Variants in ZC3H4 observed in about 807,000 individuals in gnomAD.
The protein encoded by ZC3H4 is zinc finger CCCH domain-containing protein 4.
ZC3H4 carries 13 observed loss-of-function variants against 108.3 expected under a neutral mutation model. The ratio of observed to expected loss-of-function variants is 0.12; its 90% CI spans 0.08 to 0.19. The LOEUF (loss-of-function observed/expected upper bound fraction) is 0.19. Among genes scored for constraint, ZC3H4 ranks in the 10% least tolerant of loss-of-function variants. ZC3H4 has a pLI of 1.00. For synonymous variants in ZC3H4, 917 were observed against 749.6 expected (o/e 1.22, Z -3.65); for missense variants, 1,734 against 1,838.8 (o/e 0.94, Z 1.04).
At chr19:47,112,192 G>A (rs1481253036) in intron 2 of ZC3H4, 3 of 1,211,542 alleles carry the variant, frequency 2.5e-6, no homozygotes, top group South Asian at 4.2e-5. Context: ...CGAGAGCGAG[G>A]GAGAGCGGGC....
At chr19:47,100,838 C>G (rs1287380648) in intron 2 of ZC3H4, among the ~76,000 whole-genome samples, 1 of 151,936 alleles carries the variant, frequency 6.6e-6, no homozygotes, top group East Asian at 1.9e-4. Flanking sequence ...ACTGGGATTA[C>G]TGACACCTGC....
rs555610014 is a variant in ZC3H4 at position 47,067,002 on chromosome 19, G to A, written c.3266C>T (p.Thr1089Met). Residue 1089 changes from threonine to methionine, a missense_variant, in exon 15 of 15, where the codon ACG (threonine) becomes ATG (methionine). Thr to Met is a moderately conservative substitution (Grantham distance 81). Transcript: ENST00000253048. This position sits in a 1 kb window ranked among gnomAD's most constrained non-coding sequence, Gnocchi z 6.4. ...GGGCTTGGCAGCCCGGGAGGAGGCC[G>A]TAGAGTCTGTGGGTTTCTGCAGCCG... ...DPRLQKPTDS[T>M]ASSRAAKPGP... 4.8e-5 allele frequency: 76 copies of A among 1,592,428 alleles called. No individual in the cohort carries two copies. The highest frequency in any genetic ancestry group is 4.5e-4 in the East Asian group (20 of 44,524).
At chr19:47,107,519 G>A (rs900779339) in intron 2 of ZC3H4, among the ~76,000 whole-genome samples, 2 of 152,096 alleles carry the variant, frequency 1.3e-5, no homozygotes, top group African/African-American at 4.8e-5. Flanking sequence ...CCACTTGCCT[G>A]ACAAACAGGG....
intron 5 of ZC3H4, among the ~76,000 whole-genome samples, chr19:47,089,204 CAAAAA>C (rs888647856): frequency 1.5e-4 from 4 of 26,840 alleles, no homozygotes; most frequent in East Asian, 1.4e-3. Context: ...GACTCCGTCT[CAAAAA>C]AAAAAAAAAA....
At position 47,072,332 on chromosome 19, in the gene ZC3H4, C is replaced by T. The variant is rs780604586; in HGVS notation, c.1802+20G>A. 2.4e-5 allele frequency: 39 copies of T among 1,609,290 alleles called. No homozygotes were observed. The highest frequency in any genetic ancestry group is 1.8e-4 in the Admixed American group (11 of 59,586). ...CCAGGACAGCGCCCACTGCCTGTCA[C>T]GGGGGTCCAGGGCACTCACCTCACA... On this transcript the variant is annotated intron_variant, in intron 12 of 14. Coordinates refer to ENST00000253048, the MANE Select transcript of ZC3H4 (RefSeq NM_015168.2). The surrounding 1 kb of genome is among the most constrained non-coding windows in gnomAD (Gnocchi z 5.6).
In ZC3H4 at chr19:47,097,896, T is replaced by C. The variant is rs570573798; in HGVS notation, c.162-3288A>G. On this transcript the variant is annotated intron_variant, in intron 2 of 14. Transcript: ENST00000253048. Reference sequence around the variant, plus strand: ...GAGCCTGGATTGGCAACGCCTGACATGGCTGCACTCGGTCCGCTGCCCAGA... The same window carrying C: ...GAGCCTGGATTGGCAACGCCTGACACGGCTGCACTCGGTCCGCTGCCCAGA... Among the ~76,000 whole-genome samples the C allele has an allele frequency of 9.2e-5, 14 of 152,254 alleles. 1 individual carries two copies. The East Asian group carries it at 2.7e-3, about 29-fold the overall frequency.
rs2057275510 is a variant in ZC3H4, at chr19:47,069,079, G to C, written c.2398+13C>G. ...CTGGGGCCTGTGCCCCGGCCCCTGG[G>C]GCGGACACGTGCCTTCCTCATTCTC... On this transcript the variant is annotated intron_variant, in intron 14 of 14. Coordinates refer to ENST00000253048, the MANE Select transcript of ZC3H4 (RefSeq NM_015168.2). 6.2e-7 allele frequency: 1 copy of C among 1,602,166 alleles called. No individual in the cohort carries two copies. Among genetic ancestry groups the C allele is most frequent in the Non-Finnish European group, 8.5e-7 (1 of 1,179,858 alleles).
rs1391537193 is a variant in ZC3H4, at chr19:47,065,814, A to C, written c.*542T>G. ...ACCTTTTCACTCTCACTGTCTCCTG[A>C]GTGGGTTGTTACAGCCTGCACTGAA... On this transcript the variant is annotated 3_prime_UTR_variant, in exon 15 of 15. Transcript: ENST00000253048. The C allele has an allele frequency of 6.6e-6, 1 of 152,558 alleles. No homozygotes were observed. Among genetic ancestry groups the C allele is most frequent in the Non-Finnish European group, 1.5e-5 (1 of 68,316 alleles). 9.5% of individuals were successfully genotyped at this position (152,558 alleles called of 1,614,324 possible). A position where few individuals can be genotyped will look rare whatever the true frequency, so the allele number is the denominator to read the frequency against.
Position 47,112,563 on chromosome 19 carries a change from G to A in ZC3H4, c.22C>T (p.Pro8Ser). The A allele has an allele frequency of 9.5e-7, 1 of 1,053,954 alleles. No individual in the cohort carries two copies. Among genetic ancestry groups the A allele is most frequent in the Non-Finnish European group, 1.2e-6 (1 of 820,606 alleles). The allele number at this position is 1,053,954 out of a possible 1,614,324, so 65.3% of individuals were successfully genotyped here. The change falls in exon 2 of 15, where the codon CCC (proline) becomes TCC (serine). Residue 8 changes from proline to serine, a missense_variant. Physicochemically the swap from Pro to Ser is moderately conservative, Grantham distance 74. Coordinates refer to ENST00000253048, the MANE Select transcript of ZC3H4 (RefSeq NM_015168.2). ...GGCGACTCTGATGGCGGCGGCGGGG[G>A]GGTCCCGGGCGCGGCCTCCATAGTT... is the stretch of plus-strand genomic sequence containing the variant. MEAAPGT[P>S]PPPPSESPPP...
At chr19:47,071,170 A>G (rs374279634) in intron 13 of ZC3H4, among the ~76,000 whole-genome samples, 1 of 152,140 alleles carries the variant, frequency 6.6e-6, no homozygotes, top group Non-Finnish European at 1.5e-5. Context: ...CAACTCCTCT[A>G]TCTACACGCT....
Position 47,081,577 on chromosome 19 carries a change from T to C in ZC3H4, c.1376A>G (p.Asn459Ser), listed in dbSNP as rs777076701. 1.9e-5 allele frequency: 31 copies of C among 1,614,104 alleles called. No homozygotes were observed. The highest frequency in any genetic ancestry group is 4.4e-5 in the South Asian group (4 of 91,090). Residue 459 changes from asparagine to serine, a missense_variant, in exon 11 of 15, where the codon AAT becomes AGT. Coordinates refer to ENST00000253048, the MANE Select transcript of ZC3H4 (RefSeq NM_015168.2). Reference sequence around the variant, plus strand: ...GTGGGAAAACATGCAGTCGTCACCATTGATGCAGTTCCCAGTGGTGTGGTA... The same window carrying C: ...GTGGGAAAACATGCAGTCGTCACCACTGATGCAGTTCCCAGTGGTGTGGTA... ...KLYHTTGNCI[N>S]GDDCMFSHDP...
In ZC3H4 at chr19:47,064,432, G is replaced by A. The variant is rs1013541205; in HGVS notation, c.*1924C>T. 3.3e-5 allele frequency: 5 copies of A among 152,462 alleles called. No homozygotes were observed. The highest frequency in any genetic ancestry group is 9.7e-5 in the African/African-American group (4 of 41,428). 9.4% of individuals were successfully genotyped at this position (152,462 alleles called of 1,614,324 possible). On this transcript the variant is annotated 3_prime_UTR_variant, in exon 15 of 15. Transcript: ENST00000253048. ...GTTAGAGAACAATTTTTCTTTAAAA[G>A]CTCGGCCTGATGGCAAATGAGAATT... is the stretch of plus-strand genomic sequence containing the variant.
chr19:47,073,875 ACT>A (rs1414115824), intron 11 of ZC3H4, among the ~76,000 whole-genome samples: 1 of 152,102 alleles, frequency 6.6e-6, no homozygotes, highest in Non-Finnish European at 1.5e-5. Context: ...TCAGTATGTC[ACT>A]CTGTTTTTTA....
In ZC3H4 at chr19:47,064,344, A is replaced by G. The variant is rs1431442302; in HGVS notation, c.*2012T>C. On this transcript the variant is annotated 3_prime_UTR_variant, in exon 15 of 15. Coordinates refer to ENST00000253048, the MANE Select transcript of ZC3H4 (RefSeq NM_015168.2). ...TCATTGTAAAAATACAGTTCATTAT[A>G]TACATATTTGCACCACCAACTCTCA... 2.6e-5 allele frequency: 4 copies of G among 152,640 alleles called. No individual in the cohort carries two copies. The highest frequency in any genetic ancestry group is 5.9e-5 in the Non-Finnish European group (4 of 68,046). The allele number at this position is 152,640 out of a possible 1,614,324, so 9.5% of individuals were successfully genotyped here.
At chr19:47,076,328 CA>C (rs2057419031) in intron 11 of ZC3H4, among the ~76,000 whole-genome samples, 1 of 11,224 alleles carries the variant, frequency 8.9e-5, no homozygotes. Flanking sequence ...CGCGCGCGCA[CA>C]CACACACACA....
intron 4 of ZC3H4, among the ~76,000 whole-genome samples, chr19:47,091,561 G>A (rs977037201): frequency 2.7e-5 from 4 of 150,614 alleles, no homozygotes; most frequent in Admixed American, 6.6e-5. Flanking sequence ...GCGACAGAGC[G>A]AGACTCTGTC....
chr19:47,082,819 G>C (rs1363924199), intron 9 of ZC3H4, among the ~76,000 whole-genome samples: 1 of 152,154 alleles, frequency 6.6e-6, no homozygotes, highest in Non-Finnish European at 1.5e-5. Context: ...CCCAGCTCCA[G>C]ACTCCTGGTT....
At position 47,067,685 on chromosome 19, in the gene ZC3H4, G is replaced by A. The variant is rs1391172993; in HGVS notation, c.2583C>T (p.Asp861=). 5 of 1,600,786 alleles carry A rather than the reference G, an allele frequency of 3.1e-6. No individual in the cohort carries two copies. The African/African-American group carries it at 4.0e-5, about 13-fold the overall frequency. The change falls in exon 15 of 15, where the codon GAC becomes GAT. Residue 861 remains aspartate, a synonymous_variant. Transcript: ENST00000253048. The surrounding 1 kb of genome is among the most constrained non-coding windows in gnomAD (Gnocchi z 6.4). The part of the protein sequence containing the change: ...KGHPTGSRLA[D]PRLSRDPRLT... ...GTCTGGGGTCCCGGCTGAGGCGAGG[G>A]TCAGCCAGCCGGCTTCCTGTGGGGT...
Position 47,086,520 on chromosome 19 carries a change from C to G in ZC3H4, c.734G>C (p.Arg245Pro). 6.3e-7 allele frequency: 1 copy of G among 1,594,976 alleles called. No homozygotes were observed. The highest frequency in any genetic ancestry group is 8.5e-7 in the Non-Finnish European group (1 of 1,175,232). ...SRGRGSRGRG[R>P]GYRGRGSRGG... ...ACGGCTTCCTCGGCCCCTGTAGCCC[C>G]GGCCCCGGCCTCGGCTGCCTGCATG... The change falls in exon 6 of 15, where the codon CGG becomes CCG. Residue 245 changes from arginine (R) to proline (P), a missense_variant. Around this residue, in one of 9 missense-constraint regions of ZC3H4, gnomAD observed 403 missense variants for 457.0 expected, o/e 0.88. Transcript: ENST00000253048.
Sources: allele counts gnomAD v4.1 joint callset (sites outside exome capture counted in the v4.1 genomes callset), GRCh38; gene constraint gnomAD v4.1.1; regional missense constraint gnomAD v4.1.1; non-coding constraint Gnocchi (gnomAD v3.1); transcripts MANE v1.5; gene names NCBI Gene and HGNC (gene_info 2026-07-23, HGNC 2026-07-21).